ACOT11: variants seen among roughly 807,000 people sequenced by gnomAD.
ACOT11 encodes the protein acyl-CoA thioesterase 11, also known as acyl-coenzyme A thioesterase 11.
ACOT11 carries 69 observed loss-of-function variants against 77.5 expected under a neutral mutation model. The ratio of observed to expected loss-of-function variants is 0.89; its 90% CI spans 0.73 to 1.09. The LOEUF (loss-of-function observed/expected upper bound fraction) is 1.09. ACOT11 is among the 50% of genes least tolerant of loss of function. ACOT11 has a pLI of 0.00. For missense variants in ACOT11, 766 were observed against 813.7 expected (o/e 0.94, Z 0.71); for synonymous variants, 279 against 313.0 (o/e 0.89, Z 1.15).
intron 1 of ACOT11, among the ~76,000 whole-genome samples, chr1:54,583,075 G>A (rs1376206871): frequency 6.6e-6 from 1 of 152,120 alleles, no homozygotes; most frequent in Non-Finnish European, 1.5e-5. Context: ...CCTTGGCAGT[G>A]GTTACCATGG....
chr1:54,609,194 A>G lies in ACOT11; in HGVS notation c.*82A>G. ...ACATACAGTGCCTGGAGAAAGCCAA[A>G]GACCTTTATTTCTTCCTGCCTCCCC... On this transcript the variant is annotated 3_prime_UTR_variant, in exon 16 of 16. Transcript: ENST00000343744. 2.5e-6 allele frequency: 4 copies of G among 1,599,184 alleles called. No homozygotes were observed. Among genetic ancestry groups the G allele is most frequent in the Non-Finnish European group, 1.7e-6 (2 of 1,171,802 alleles).
At chr1:54,549,926 G>A (rs1348212067) in intron 1 of ACOT11, among the ~76,000 whole-genome samples, 1 of 152,154 alleles carries the variant, frequency 6.6e-6, no homozygotes, top group Non-Finnish European at 1.5e-5. Context: ...AGTAACTGGG[G>A]GCAAGGCACT....
chr1:54,614,573 G>T, downstream of ACOT11: 2 of 930,566 alleles, frequency 2.1e-6, no homozygotes, highest in African/African-American at 1.7e-5. Flanking sequence ...ATGTGCAAAG[G>T]CTCAGAGGTG....
At chr1:54,552,776 C>A (rs1653113768) in intron 1 of ACOT11, among the ~76,000 whole-genome samples, 1 of 151,892 alleles carries the variant, frequency 6.6e-6, no homozygotes, top group Non-Finnish European at 1.5e-5. Context: ...CATGAGCCAC[C>A]ATGCCCGGCC....
intron 15 of ACOT11, among the ~76,000 whole-genome samples, chr1:54,627,694 C>T (rs1291220613): frequency 7.4e-6 from 1 of 134,264 alleles, no homozygotes; most frequent in Non-Finnish European, 1.7e-5. Flanking sequence ...GGCAGTGGGC[C>T]CAGGTTGGGG....
intron 10 of ACOT11, among the ~76,000 whole-genome samples, chr1:54,603,622 C>G (rs1302148382): frequency 6.6e-6 from 1 of 152,116 alleles, no homozygotes; most frequent in Non-Finnish European, 1.5e-5. Flanking sequence ...GTGTGGGAAT[C>G]GAGCCTTAGA....
intron 3 of ACOT11, among the ~76,000 whole-genome samples, chr1:54,591,347 G>A (rs1040997851): frequency 6.6e-6 from 1 of 152,168 alleles, no homozygotes; most frequent in African/African-American, 2.4e-5. Flanking sequence ...GAGAGGCAAA[G>A]TGACTCACCC....
At chr1:54,626,663 AC>A (rs1644274711) in intron 15 of ACOT11, among the ~76,000 whole-genome samples, 1 of 136,936 alleles carries the variant, frequency 7.3e-6, no homozygotes, top group African/African-American at 2.5e-5. Context: ...TCTTATTCAC[AC>A]CCATTTACAA....
At chr1:54,562,364 G>A (rs1403395660) in intron 1 of ACOT11, among the ~76,000 whole-genome samples, 2 of 82,980 alleles carry the variant, frequency 2.4e-5, no homozygotes, top group African/African-American at 6.8e-5. Flanking sequence ...CCGGGCTGAG[G>A]GGCTCCTCAC....
chr1:54,556,989 A>G (rs1463718476), intron 1 of ACOT11, among the ~76,000 whole-genome samples: 1 of 152,020 alleles, frequency 6.6e-6, no homozygotes, highest in East Asian at 1.9e-4. Flanking sequence ...CACTGTGGCT[A>G]TGAATTCCTG....
At chr1:54,606,914 G>C (rs1049512826) in intron 13 of ACOT11, among the ~76,000 whole-genome samples, 1 of 152,238 alleles carries the variant, frequency 6.6e-6, no homozygotes, top group Non-Finnish European at 1.5e-5. Flanking sequence ...TCATTTACTT[G>C]CATGCATGTC....
chr1:54,614,968 AGTGGAGT>A, downstream of ACOT11: 1 of 1,077,326 alleles, frequency 9.3e-7, no homozygotes, highest in African/African-American at 1.6e-5. Context: ...GTGCGTGCAC[AGTGGAGT>A]CAGGGGAGGG....
chr1:54,548,436 C>T (rs1307562788), intron 1 of ACOT11, 94 bp downstream of exon 1: 3 of 1,411,718 alleles, frequency 2.1e-6, no homozygotes, highest in Non-Finnish European at 2.9e-6. Flanking sequence ...CGCTCTGCAT[C>T]TCCTCACACT....
At chr1:54,604,312 G>A (rs963144706) in intron 11 of ACOT11, 34 bp from the exon 12 acceptor site, 2 of 1,598,798 alleles carry the variant, frequency 1.3e-6, no homozygotes, top group Non-Finnish European at 8.6e-7. Context: ...AAGGAAGGGG[G>A]TGGGGTAGTG....
At position 54,597,307 on chromosome 1, in the gene ACOT11, G is replaced by A. The variant is rs199698636; in HGVS notation, c.656G>A (p.Arg219His). The A allele has an allele frequency of 1.5e-4, 246 of 1,613,810 alleles. No individual in the cohort carries two copies. The highest frequency in any genetic ancestry group is 1.6e-4 in the Non-Finnish European group (192 of 1,180,028). ...CGCATGGTGCCGGCTGAGAAGACCC[G>A]TGTGGAGAGTGTGGAGCTGGTCCTG... Reference protein sequence around the residue: ...CSRMVPAEKTRVESVELVLPP... With the variant: ...CSRMVPAEKTHVESVELVLPP... The change falls in exon 7 of 16, where the codon CGT (arginine) becomes CAT (histidine). Residue 219 changes from arginine (R) to histidine (H), a missense_variant. Arg to His is a conservative substitution (Grantham distance 29). Coordinates refer to ENST00000343744, the MANE Select transcript of ACOT11 (RefSeq NM_147161.4).
chr1:54,632,851 G>A (rs1644308566), intron 16 of ACOT11, among the ~76,000 whole-genome samples: 1 of 152,138 alleles, frequency 6.6e-6, no homozygotes, highest in Admixed American at 6.5e-5. Flanking sequence ...TATCAAAGTA[G>A]TTATATATTG....
rs61212842 is a variant in ACOT11 at position 54,604,984 on chromosome 1, G to T, written c.1237-92G>T. ...GTGTTCACATTCACACAGCAAGTCAGCTGTAGCCCTGAGCTTCCAGTCTCA... is the reference window on the plus strand; with the variant it reads ...GTGTTCACATTCACACAGCAAGTCATCTGTAGCCCTGAGCTTCCAGTCTCA... On this transcript the variant is annotated intron_variant, in intron 12 of 15. Transcript: ENST00000343744. 4 of 1,389,468 alleles carry T rather than the reference G, an allele frequency of 2.9e-6. No homozygotes were observed. In the South Asian group the frequency reaches 5.4e-5, roughly 19 times the overall value. The allele number at this position is 1,389,468 out of a possible 1,614,324, so 86.1% of individuals were successfully genotyped here. A position where few individuals can be genotyped will look rare whatever the true frequency, so the allele number is the denominator to read the frequency against.
At chr1:54,550,228 C>G (rs185498283) in intron 1 of ACOT11, among the ~76,000 whole-genome samples, 1 of 152,312 alleles carries the variant, frequency 6.6e-6, no homozygotes, top group East Asian at 1.9e-4. Context: ...CCAACCCACA[C>G]GTCCTGACTC....
At chr1:54,589,314 GC>G (rs1208900382) in intron 3 of ACOT11, among the ~76,000 whole-genome samples, 1 of 142,580 alleles carries the variant, frequency 7.0e-6, no homozygotes, top group Non-Finnish European at 1.5e-5. Flanking sequence ...ACCATGCCTG[GC>G]CCTTTTTTTT....
Sources: gnomAD v4.1 joint callset for allele counts (sites outside exome capture counted in the v4.1 genomes callset) on GRCh38, gnomAD v4.1.1 for gene constraint, MANE v1.5 for transcripts, NCBI Gene and HGNC (gene_info 2026-07-23, HGNC 2026-07-21) for gene names.